ATP11B: variants seen among roughly 807,000 people sequenced by gnomAD.
The protein encoded by ATP11B is phospholipid-transporting ATPase IF.
ATP11B carries 81 observed loss-of-function variants against 157.8 expected under a neutral mutation model. The observed-to-expected ratio is 0.51, with a 90% CI of 0.43 to 0.62. The LOEUF is 0.62. Ranked by LOEUF, ATP11B falls within the 20% of genes least tolerant of loss-of-function variation. The probability of loss-of-function intolerance (pLI) is 0.00; values close to 1 mark genes in which losing one functional copy is unlikely to be tolerated. For synonymous variants in ATP11B, 451 were observed against 469.4 expected, an observed-to-expected ratio of 0.96 and a Z score of 0.51; for missense variants, 1,165 against 1,402.2, an observed-to-expected ratio of 0.83 and a Z score of 2.70.
chr3:182,890,045 A>G (rs964950505), intron 25 of ATP11B, among the ~76,000 whole-genome samples: 4 of 152,214 alleles, frequency 2.6e-5, no homozygotes, highest in African/African-American at 7.2e-5. Context: ...TCTTCATTGC[A>G]CACTCACAAT....
intron 28 of ATP11B, among the ~76,000 whole-genome samples, chr3:182,903,324 G>T (rs928049928): frequency 6.6e-6 from 1 of 151,920 alleles, no homozygotes; most frequent in Admixed American, 6.6e-5. Context: ...TCTTAATCAC[G>T]TATTTTTTAA....
At chr3:182,810,720 A>G (rs953763240) in intron 1 of ATP11B, among the ~76,000 whole-genome samples, 1 of 152,172 alleles carries the variant, frequency 6.6e-6, no homozygotes, top group Non-Finnish European at 1.5e-5. Context: ...CTGTAGTTGG[A>G]AATATTTGTT....
At chr3:182,898,902 A>G (rs1174023990) in intron 28 of ATP11B, 130 bp downstream of exon 28, 3 of 571,088 alleles carry the variant, frequency 5.3e-6, no homozygotes, top group African/African-American at 1.9e-5. Context: ...ATTTTGTAAC[A>G]TAAACATTGT....
At chr3:182,848,957 T>C (rs913138464) in intron 10 of ATP11B, among the ~76,000 whole-genome samples, 2 of 152,218 alleles carry the variant, frequency 1.3e-5, no homozygotes. Context: ...AGTATAGCTT[T>C]TTGCCTGAGG....
intron 26 of ATP11B, 101 bp downstream of exon 26, chr3:182,896,866 A>G: frequency 1.3e-6 from 1 of 744,112 alleles, no homozygotes; most frequent in Non-Finnish European, 2.1e-6. Context: ...CCCTTTTTCC[A>G]TTTTCAATAA....
At chr3:182,916,429 G>A in intron 29 of ATP11B, 1 of 985,258 alleles carries the variant, frequency 1.0e-6, no homozygotes, top group Non-Finnish European at 1.2e-6. Context: ...TACCATCCAG[G>A]CACAAAAATT....
At chr3:182,817,383 C>G (rs1241230600) in intron 1 of ATP11B, among the ~76,000 whole-genome samples, 1 of 152,014 alleles carries the variant, frequency 6.6e-6, no homozygotes, top group Non-Finnish European at 1.5e-5. Flanking sequence ...CGGGTTCAAG[C>G]AGTTCCCCTG....
intron 3 of ATP11B, among the ~76,000 whole-genome samples, chr3:182,829,406 C>T (rs529646919): frequency 1.3e-5 from 2 of 152,076 alleles, no homozygotes; most frequent in African/African-American, 2.4e-5. Context: ...AAATGTGAAA[C>T]GAGATCTGAG....
At chr3:182,854,327 G>A (rs1022809175) in intron 10 of ATP11B, among the ~76,000 whole-genome samples, 17 of 151,860 alleles carry the variant, frequency 1.1e-4, no homozygotes, top group African/African-American at 3.9e-4. Context: ...AAAATTAGCC[G>A]GGCATGGTGG....
chr3:182,881,680 A>G (rs913927832), intron 21 of ATP11B, among the ~76,000 whole-genome samples: 17 of 152,336 alleles, frequency 1.1e-4, no homozygotes, highest in African/African-American at 3.8e-4. Context: ...TAATAAAAGT[A>G]GCTTTATTTT....
intron 19 of ATP11B, among the ~76,000 whole-genome samples, chr3:182,874,730 C>T (rs1392746934): frequency 6.6e-6 from 1 of 152,044 alleles, no homozygotes; most frequent in African/African-American, 2.4e-5. Flanking sequence ...ACTTTGAACC[C>T]CAATTAAACA....
intron 28 of ATP11B, among the ~76,000 whole-genome samples, chr3:182,903,180 C>T (rs1026033671): frequency 6.6e-6 from 1 of 151,986 alleles, no homozygotes; most frequent in African/African-American, 2.4e-5. Context: ...AGCTTAAATT[C>T]TAGAACTGTT....
chr3:182,798,200 A>C (rs1017233659), intron 1 of ATP11B, among the ~76,000 whole-genome samples: 2 of 152,234 alleles, frequency 1.3e-5, no homozygotes, highest in African/African-American at 2.4e-5. Flanking sequence ...CACTTACTAG[A>C]CTAGACTGTA....
Position 182,898,640 on chromosome 3 carries a change from G to A in ATP11B, c.3186G>A (p.Val1062=), listed in dbSNP as rs769549978. The part of the protein sequence containing the change: ...PFLGSQNMYF[V]FIQLLSSGSA... ...TGGGCTCCCAGAATATGTATTTTGT[G>A]TTTATTCAGCTCCTGTCAAGTGGTT... is the stretch of plus-strand genomic sequence containing the variant. The change falls in exon 28 of 30, where the codon GTG becomes GTA. Residue 1062 remains valine (V), a synonymous_variant. Coordinates refer to ENST00000323116, the MANE Select transcript of ATP11B (RefSeq NM_014616.3). 6.2e-7 allele frequency: 1 copy of A among 1,605,080 alleles called. No homozygotes were observed. The highest frequency in any genetic ancestry group is 1.1e-5 in the South Asian group (1 of 89,294).
intron 8 of ATP11B, among the ~76,000 whole-genome samples, chr3:182,845,198 G>C (rs1288915124): frequency 6.6e-6 from 1 of 151,886 alleles, no homozygotes; most frequent in Non-Finnish European, 1.5e-5. Context: ...GCAGAGACGG[G>C]GTTTCACCAT....
At chr3:182,836,181 G>C (rs745892272) in intron 5 of ATP11B, 39 bp downstream of exon 5, 1 of 1,576,844 alleles carries the variant, frequency 6.3e-7, no homozygotes, top group South Asian at 1.1e-5. Context: ...ACTTTATCTT[G>C]ATATCACAGG....
intron 12 of ATP11B, among the ~76,000 whole-genome samples, chr3:182,862,560 CT>C (rs1314370260): frequency 6.6e-6 from 1 of 152,162 alleles, no homozygotes; most frequent in East Asian, 1.9e-4. Flanking sequence ...AAGTTTGCAA[CT>C]TTTAAAGAGA....
chr3:182,895,539 T>TA (rs139402723), intron 25 of ATP11B, among the ~76,000 whole-genome samples: 2,176 of 152,292 alleles, frequency 0.014, 50 homozygotes, highest in African/African-American at 0.051. Context: ...AAATCTGTAA[T>TA]AAAAAACAGG....
At chr3:182,798,302 A>T (rs1034484586) in intron 1 of ATP11B, among the ~76,000 whole-genome samples, 3 of 152,222 alleles carry the variant, frequency 2.0e-5, no homozygotes, top group African/African-American at 7.2e-5. Flanking sequence ...CACCTGCCAA[A>T]TGTTGGTTGA....
Sources: allele counts gnomAD v4.1 joint callset (sites outside exome capture counted in the v4.1 genomes callset), GRCh38; gene constraint gnomAD v4.1.1; transcripts MANE v1.5; gene names NCBI Gene and HGNC (gene_info 2026-07-23, HGNC 2026-07-21).